The following ALOX15 variants were observed in gnomAD, a reference collection of about 807,000 sequenced individuals.
ALOX15 encodes arachidonate 15-lipoxygenase.
In ALOX15, 68 loss-of-function variants were observed where a neutral mutation model predicts 71.7. The observed-to-expected ratio is 0.95, with a 90% CI of 0.78 to 1.16. The LOEUF is 1.16. Among genes scored for constraint, ALOX15 ranks in the 50% most tolerant of loss-of-function variants. The pLI is 0.00. For missense variants in ALOX15, 798 were observed against 818.8 expected (o/e 0.97, Z 0.31); for synonymous variants, 346 against 333.3 (o/e 1.04, Z -0.42).
intron 3 of ALOX15, 22 bp downstream of exon 3, chr17:4,639,029 G>C (rs778318606): frequency 6.2e-7 from 1 of 1,614,180 alleles, no homozygotes; most frequent in Non-Finnish European, 8.5e-7. Context: ...AGCTCACGTG[G>C]GGTCAGGGGA....
At chr17:4,635,430 CAAA>C (rs56193749) in intron 8 of ALOX15, among the ~76,000 whole-genome samples, 5 of 131,130 alleles carry the variant, frequency 3.8e-5, no homozygotes, top group Non-Finnish European at 3.2e-5. Flanking sequence ...GACTCCATCT[CAAA>C]AAAAAAAAAA....
At chr17:4,632,550 C>G (rs1286900068) in intron 11 of ALOX15, among the ~76,000 whole-genome samples, 1 of 152,146 alleles carries the variant, frequency 6.6e-6, no homozygotes, top group Non-Finnish European at 1.5e-5. Context: ...TCAGCATCAC[C>G]TTGGTAGTCA....
At position 4,638,301 on chromosome 17, in the gene ALOX15, C is replaced by G. The variant is rs1299698592; in HGVS notation, c.723G>C (p.Leu241=). The change falls in exon 6 of 14, where the codon CTG becomes CTC. Residue 241 remains leucine, a synonymous_variant. Transcript: ENST00000293761. ...QFLNGANPVV[L]RRSAHLPARL... ...GAGCAGGAAGGTGAGCAGAGCGCCT[C>G]AGCACCACGGGGTTGGCGCCATTAA... The G allele has an allele frequency of 1.2e-5, 9 of 778,148 alleles. No individual in the cohort carries two copies. In the South Asian group the frequency reaches 1.4e-4, roughly 12 times the overall value. 48.2% of individuals were successfully genotyped at this position (778,148 alleles called of 1,614,324 possible).
Position 4,635,960 on chromosome 17 carries a change from C to A in ALOX15, c.960G>T (p.Leu320=). 4 of 1,613,636 alleles carry A rather than the reference C, an allele frequency of 2.5e-6. No homozygotes were observed. The highest frequency in any genetic ancestry group is 1.3e-5 in the African/African-American group (1 of 75,040). The change falls in exon 8 of 14, where the codon CTG becomes CTT. Residue 320 remains leucine, a synonymous_variant. Coordinates refer to ENST00000293761, the MANE Select transcript of ALOX15 (RefSeq NM_001140.5). ...KLLPMVIQLQ[L]PRTGSPPPPL... The stretch of plus-strand genomic sequence containing the variant: ...GAGGTGGTGGGGATCCTGTGCGGGG[C>A]AGCTGGAGCTGGAGCAGGGACAAGT...
chr17:4,636,997 C>A, intron 7 of ALOX15, 118 bp downstream of exon 7: 5 of 1,258,220 alleles, frequency 4.0e-6, no homozygotes, highest in South Asian at 1.5e-5. Flanking sequence ...TTCCTCCTTT[C>A]GCGTCTCCCA....
chr17:4,636,048 T>C, intron 7 of ALOX15, 80 bp from the exon 8 acceptor site: 1 of 1,435,824 alleles, frequency 7.0e-7, no homozygotes. Context: ...CATGTTAACC[T>C]CACCCTTCGT....
intron 2 of ALOX15, 93 bp downstream of exon 2, chr17:4,639,337 C>CA (rs1285957638): frequency 5.9e-6 from 9 of 1,515,264 alleles, no homozygotes; most frequent in African/African-American, 4.1e-5. Flanking sequence ...CAGGTTCCAG[C>CA]ACCCCCATCC....
At position 4,632,895 on chromosome 17, in the gene ALOX15, G is replaced by A; in HGVS notation, c.1506C>T (p.Ile502=). 1.9e-6 allele frequency: 3 copies of A among 1,614,152 alleles called. No homozygotes were observed. The South Asian group carries it at 3.3e-5, about 18-fold the overall frequency. ...GGGCCCCTTGCAGCCCGATTTCAGT[G>A]ATCTCTCGACACCAGGTCTGCAGCT... ...DPELQTWCRE[I]TEIGLQGAQD... is the part of the protein sequence containing the mutation. The change falls in exon 11 of 14, where the codon ATC becomes ATT. Residue 502 remains isoleucine (I), a synonymous_variant. Transcript: ENST00000293761.
intron 8 of ALOX15, among the ~76,000 whole-genome samples, chr17:4,634,769 A>G (rs1911036089): frequency 6.6e-6 from 1 of 151,852 alleles, no homozygotes; most frequent in Non-Finnish European, 1.5e-5. Context: ...ACCTGAGGTC[A>G]GGAGTTTCAG....
At chr17:4,633,345 G>A (rs769378541) in intron 9 of ALOX15, 30 bp from the exon 10 acceptor site, 37 of 1,610,964 alleles carry the variant, frequency 2.3e-5, no homozygotes, top group Middle Eastern at 1.6e-4. Flanking sequence ...AGGGTCAGGC[G>A]AATCGACCTG....
At chr17:4,635,285 T>A (rs1911056425) in intron 8 of ALOX15, among the ~76,000 whole-genome samples, 1 of 151,200 alleles carries the variant, frequency 6.6e-6, no homozygotes, top group East Asian at 2.0e-4. Flanking sequence ...ACAAAAAAAA[T>A]TAGCCAGGCC....
At position 4,639,647 on chromosome 17, in the gene ALOX15, G is replaced by A. The variant is rs1182136369; in HGVS notation, c.136-16C>T. The A allele has an allele frequency of 1.2e-6, 2 of 1,600,414 alleles. No individual in the cohort carries two copies. The highest frequency in any genetic ancestry group is 1.3e-5 in the African/African-American group (1 of 74,420). Reference sequence around the variant, plus strand: ...GTTCTGTCTCCTGCGGGCGACAGAAGAGGCTCAGCCCCGGTGGGGCCTGGC... The same window carrying A: ...GTTCTGTCTCCTGCGGGCGACAGAAAAGGCTCAGCCCCGGTGGGGCCTGGC... On this transcript the variant is annotated splice_polypyrimidine_tract_variant and intron_variant, in intron 1 of 13. Transcript: ENST00000293761.
rs1911129727 is a variant in ALOX15 at position 4,637,241 on chromosome 17, T to C, written c.825A>G (p.Glu275=). The C allele has an allele frequency of 1.2e-6, 2 of 1,613,106 alleles. No homozygotes were observed. Among genetic ancestry groups the C allele is most frequent in the Non-Finnish European group, 1.7e-6 (2 of 1,179,328 alleles). Reference sequence around the variant, plus strand: ...TCCCATCCAGCAGGGAGAAGTCAGCTTCGAACAGTGTGCCTCCCTGGGTGG... The same window carrying C: ...TCCCATCCAGCAGGGAGAAGTCAGCCTCGAACAGTGTGCCTCCCTGGGTGG... The part of the protein sequence containing the change: ...EKELEGGTLF[E]ADFSLLDGIK... The change falls in exon 7 of 14, where the codon GAA becomes GAG. Residue 275 remains glutamate (E), a synonymous_variant. Coordinates refer to ENST00000293761, the MANE Select transcript of ALOX15 (RefSeq NM_001140.5).
intron 8 of ALOX15, among the ~76,000 whole-genome samples, chr17:4,635,384 A>T (rs1430473366): frequency 6.6e-6 from 1 of 151,496 alleles, no homozygotes; most frequent in Non-Finnish European, 1.5e-5. Context: ...CAGTGAGCCG[A>T]GATCGCATCA....
chr17:4,641,494 C>G (rs1190297827), intron 1 of ALOX15, 23 bp downstream of exon 1: 1 of 1,604,652 alleles, frequency 6.2e-7, no homozygotes, highest in South Asian at 1.1e-5. Context: ...GCAGCCCACC[C>G]CGCCCGGCTC....
intron 3 of ALOX15, 38 bp from the exon 4 acceptor site, chr17:4,639,010 A>C (rs1911218943): frequency 6.2e-7 from 1 of 1,614,058 alleles, no homozygotes; most frequent in African/African-American, 1.3e-5. Context: ...GGGTGCTGGA[A>C]GCATCAGCAG....
chr17:4,639,516 T>C lies in ALOX15; in HGVS notation c.251A>G (p.Gln84Arg). 6.2e-7 allele frequency: 1 copy of C among 1,613,986 alleles called. No homozygotes were observed. Among genetic ancestry groups the C allele is most frequent in the Non-Finnish European group, 8.5e-7 (1 of 1,180,026 alleles). ...DAWFCNWISV[Q>R]GPGAGDEVRF... is the part of the protein sequence containing the mutation. ...GACCTCGTCCCCGGCTCCGGGGCCC[T>C]GCACAGAGATCCAGTTGCAGAACCA... The change falls in exon 2 of 14, where the codon CAG (glutamine) becomes CGG (arginine). Residue 84 changes from glutamine to arginine, a missense_variant. Physicochemically the swap from Gln to Arg is conservative, Grantham distance 43. Coordinates refer to ENST00000293761, the MANE Select transcript of ALOX15 (RefSeq NM_001140.5).
chr17:4,636,009 C>T (rs1259145894), intron 7 of ALOX15, 41 bp from the exon 8 acceptor site: 3 of 1,593,956 alleles, frequency 1.9e-6, no homozygotes, highest in African/African-American at 1.3e-5. Flanking sequence ...GCATGAGTGC[C>T]AGGCACTCAG....
chr17:4,633,455 C>T lies in ALOX15; in HGVS notation c.1207G>A (p.Ala403Thr), dbSNP rs1910987511. 2.5e-6 allele frequency: 4 copies of T among 1,614,048 alleles called. No individual in the cohort carries two copies. In the Admixed American group the frequency reaches 6.7e-5, roughly 27 times the overall value. Residue 403 changes from alanine (A) to threonine (T), a missense_variant, in exon 9 of 14, where the codon GCC becomes ACC. Transcript: ENST00000293761. ...LRYTLEINVRARTGLVSDMGI... is the reference protein window; with the variant it reads ...LRYTLEINVRTRTGLVSDMGI... Reference sequence around the variant, plus strand: ...ATGTCAGAGACCAGCCCAGTCCTGGCCCGGACGTTAATTTCCAGGGTGTAT... The same window carrying T: ...ATGTCAGAGACCAGCCCAGTCCTGGTCCGGACGTTAATTTCCAGGGTGTAT...
Sources: gnomAD v4.1 joint callset for allele counts (sites outside exome capture counted in the v4.1 genomes callset) on GRCh38, gnomAD v4.1.1 for gene constraint, MANE v1.5 for transcripts, NCBI Gene and HGNC (gene_info 2026-07-23, HGNC 2026-07-21) for gene names.